The following BNC2 variants were observed in gnomAD, a reference collection of about 807,000 sequenced individuals.
BNC2 encodes basonuclin zinc finger protein 2.
Under a neutral mutation model 76.3 loss-of-function variants are expected in BNC2, and 20 were observed. That is an observed-to-expected ratio of 0.26 (90% CI 0.18 to 0.38). The LOEUF (loss-of-function observed/expected upper bound fraction) is 0.38. Ranked by LOEUF, BNC2 falls within the 10% of genes least tolerant of loss-of-function variation. BNC2 has a pLI of 1.00. For synonymous variants in BNC2, 582 were observed against 514.8 expected (o/e 1.13, Z -1.77); for missense variants, 1,382 against 1,399.8 (o/e 0.99, Z 0.20).
chr9:16,717,894 G>A (rs564618705), intron 3 of BNC2, among the ~76,000 whole-genome samples: 1 of 152,276 alleles, frequency 6.6e-6, no homozygotes, highest in South Asian at 2.1e-4. Context: ...AAGGTAAGCA[G>A]CAGTTGGTTT....
intron 1 of BNC2, among the ~76,000 whole-genome samples, chr9:16,865,010 C>G (rs1819507130): frequency 7.2e-6 from 1 of 138,852 alleles, no homozygotes; most frequent in Admixed American, 8.0e-5. Context: ...GCTTTTGTGT[C>G]TGGGTACACG....
chr9:16,802,194 C>T (rs571340695), intron 1 of BNC2, among the ~76,000 whole-genome samples: 1 of 152,302 alleles, frequency 6.6e-6, no homozygotes, highest in East Asian at 1.9e-4. Context: ...GCTGCGACTT[C>T]AGCAAGTGCC....
At chr9:16,491,496 T>C (rs1027402867) in intron 5 of BNC2, among the ~76,000 whole-genome samples, 1 of 152,214 alleles carries the variant, frequency 6.6e-6, no homozygotes, top group Non-Finnish European at 1.5e-5. Flanking sequence ...GCACACGCAG[T>C]ATTCCTTCAA....
At chr9:16,499,418 T>C (rs1587100782) in intron 5 of BNC2, among the ~76,000 whole-genome samples, 1 of 152,120 alleles carries the variant, frequency 6.6e-6, no homozygotes, top group African/African-American at 2.4e-5. Context: ...GCATTTTAAT[T>C]ATACCACACT....
At chr9:16,569,381 T>C (rs1053211138) in intron 4 of BNC2, among the ~76,000 whole-genome samples, 11 of 152,264 alleles carry the variant, frequency 7.2e-5, no homozygotes, top group African/African-American at 2.6e-4. Flanking sequence ...TCAACCTCAG[T>C]TGACATGTAG....
At chr9:16,759,116 C>T (rs539045747) in intron 1 of BNC2, among the ~76,000 whole-genome samples, 149 of 152,200 alleles carry the variant, frequency 9.8e-4, no homozygotes, top group African/African-American at 3.2e-3. Context: ...CAAAAACCAA[C>T]GTACAGAAAT....
chr9:16,787,345 C>T lies in BNC2; in HGVS notation c.4-48860G>A, dbSNP rs1198333693. Reference sequence around the variant, plus strand: ...AGAACGGGGAAACAAAATAATTTTCCTAAGTCGGCCTGGTGCTAGCATTCT... The same window carrying T: ...AGAACGGGGAAACAAAATAATTTTCTTAAGTCGGCCTGGTGCTAGCATTCT... On this transcript the variant is annotated intron_variant, in intron 1 of 6. Transcript: ENST00000380672. Among the ~76,000 whole-genome samples, 5 of 152,286 alleles carry T rather than the reference C, an allele frequency of 3.3e-5. No homozygotes were observed. In the South Asian group the frequency reaches 1.0e-3, roughly 32 times the overall value.
At chr9:16,451,930 T>C (rs896321775) in intron 5 of BNC2, among the ~76,000 whole-genome samples, 11 of 152,280 alleles carry the variant, frequency 7.2e-5, no homozygotes, top group Admixed American at 2.0e-4. Context: ...TCTAGTGCCA[T>C]GTTTTGTCTT....
At chr9:16,712,715 A>G (rs1389349181) in intron 3 of BNC2, among the ~76,000 whole-genome samples, 1 of 152,342 alleles carries the variant, frequency 6.6e-6, no homozygotes, top group East Asian at 1.9e-4. Flanking sequence ...CAGCTTGTAA[A>G]TGGGCATTTT....
At chr9:16,587,258 G>A (rs2133115666) in intron 3 of BNC2, among the ~76,000 whole-genome samples, 1 of 147,384 alleles carries the variant, frequency 6.8e-6, no homozygotes, top group South Asian at 2.2e-4. Context: ...CTGTCACCCA[G>A]GCTGGAGTAC....
At chr9:16,869,122 G>C (rs1039568990) in intron 1 of BNC2, among the ~76,000 whole-genome samples, 1 of 151,954 alleles carries the variant, frequency 6.6e-6, no homozygotes, top group Admixed American at 6.5e-5. Flanking sequence ...ACGCCCGTTA[G>C]AAGAAAAACT....
At chr9:16,847,395 T>TCGGGGG (rs1554750655) in intron 1 of BNC2, among the ~76,000 whole-genome samples, 1 of 18,874 alleles carries the variant, frequency 5.3e-5, no homozygotes, top group Non-Finnish European at 1.8e-4. Flanking sequence ...TGAAGATTTC[T>TCGGGGG]CGGGGCGGGG....
At chr9:16,677,578 A>ACACACACAT (rs61063092) in intron 3 of BNC2, among the ~76,000 whole-genome samples, 1 of 139,256 alleles carries the variant, frequency 7.2e-6, no homozygotes, top group Admixed American at 7.2e-5. Flanking sequence ...GTCTCAAACA[A>ACACACACAT]ACACACACAC....
intron 4 of BNC2, among the ~76,000 whole-genome samples, chr9:16,580,761 C>A (rs966875242): frequency 4.6e-5 from 7 of 152,156 alleles, no homozygotes; most frequent in African/African-American, 1.7e-4. Flanking sequence ...CTTTGTTCAA[C>A]GACTGGCCTC....
chr9:16,845,439 T>A (rs1022013336), intron 1 of BNC2, among the ~76,000 whole-genome samples: 14 of 152,174 alleles, frequency 9.2e-5, no homozygotes, highest in African/African-American at 1.4e-4. Flanking sequence ...ATAGGAAAAT[T>A]GGCCGGGCGC....
intron 5 of BNC2, among the ~76,000 whole-genome samples, chr9:16,513,809 C>G (rs1307898957): frequency 6.6e-6 from 1 of 152,066 alleles, no homozygotes; most frequent in East Asian, 1.9e-4. Flanking sequence ...GGGATTAGAG[C>G]TACAGGTGAA....
intron 5 of BNC2, among the ~76,000 whole-genome samples, chr9:16,462,683 G>A (rs1034997018): frequency 6.6e-6 from 1 of 152,176 alleles, no homozygotes; most frequent in South Asian, 2.1e-4. Flanking sequence ...AATGGCGGGG[G>A]AGACAGAACC....
At chr9:16,531,529 T>C (rs752721778) in intron 5 of BNC2, among the ~76,000 whole-genome samples, 104 of 152,172 alleles carry the variant, frequency 6.8e-4, no homozygotes, top group African/African-American at 1.8e-3. Flanking sequence ...AATTTACTTT[T>C]ATGTAAACAT....
chr9:16,867,340 T>C (rs1431908907), intron 1 of BNC2: 1 of 151,742 alleles, frequency 6.6e-6, no homozygotes, highest in Non-Finnish European at 1.5e-5. Flanking sequence ...ATAATGACTT[T>C]TTTATTGTTT....
Sources: allele counts gnomAD v4.1 joint callset (sites outside exome capture counted in the v4.1 genomes callset), GRCh38; gene constraint gnomAD v4.1.1; transcripts MANE v1.5; gene names NCBI Gene and HGNC (gene_info 2026-07-23, HGNC 2026-07-21).